Variants in MAPK4 observed in about 807,000 individuals in gnomAD.
The protein encoded by MAPK4 is mitogen-activated protein kinase 4.
In MAPK4, 22 loss-of-function variants were observed where a neutral mutation model predicts 47.7. The observed-to-expected ratio is 0.46, with a 90% CI of 0.33 to 0.66. MAPK4 has a LOEUF of 0.66. Ranked by LOEUF, MAPK4 falls within the 30% of genes least tolerant of loss-of-function variation. MAPK4 has a pLI of 0.02. For missense variants in MAPK4, 736 were observed against 831.7 expected (o/e 0.88, Z 1.42); for synonymous variants, 390 against 365.7 (o/e 1.07, Z -0.76).
chr18:50,591,348 C>G (rs2042435095), intron 1 of MAPK4, among the ~76,000 whole-genome samples: 1 of 152,092 alleles, frequency 6.6e-6, no homozygotes, highest in South Asian at 2.1e-4. Flanking sequence ...GGGCCTCCCA[C>G]CTTTTCATTC....
At chr18:50,726,327 C>T (rs1306622130) in intron 5 of MAPK4, 152 bp downstream of exon 5, 2 of 727,210 alleles carry the variant, frequency 2.8e-6, no homozygotes, top group African/African-American at 3.5e-5. Context: ...TCTCTTGTGC[C>T]CAGACACTAC....
chr18:50,582,735 C>T (rs1287002703), intron 1 of MAPK4, among the ~76,000 whole-genome samples: 1 of 152,224 alleles, frequency 6.6e-6, no homozygotes, highest in African/African-American at 2.4e-5. Flanking sequence ...ATGCCCGCTA[C>T]AGTTCTGTGC....
intron 1 of MAPK4, among the ~76,000 whole-genome samples, chr18:50,617,340 A>G (rs1198161506): frequency 6.6e-6 from 1 of 152,232 alleles, no homozygotes; most frequent in Non-Finnish European, 1.5e-5. Context: ...GAGGAAAATT[A>G]TTTAATTTTA....
chr18:50,572,954 TA>T (rs1229948218), intron 1 of MAPK4, among the ~76,000 whole-genome samples: 2 of 152,194 alleles, frequency 1.3e-5, no homozygotes, highest in African/African-American at 4.8e-5. Context: ...TCCTCTCCAG[TA>T]ATGGATACCT....
chr18:50,729,592 A>T lies in MAPK4; in HGVS notation c.1502A>T (p.Gln501Leu), dbSNP rs1911423944. Reference protein sequence around the residue: ...LEIAQWVKSTQGGPEHASPPA... With the variant: ...LEIAQWVKSTLGGPEHASPPA... ...ATCGCGCAGTGGGTCAAGAGCACGCAGGGCGGCCCAGAGCACGCCAGCCCG... is the reference window on the plus strand; with the variant it reads ...ATCGCGCAGTGGGTCAAGAGCACGCTGGGCGGCCCAGAGCACGCCAGCCCG... The change falls in exon 6 of 6, where the codon CAG becomes CTG. Residue 501 changes from glutamine to leucine, a missense_variant. By Grantham distance (113) the Gln-to-Leu change is moderately radical (BLOSUM62 -2). This residue lies in a region of MAPK4 where 377 missense variants were observed against 378.6 expected (regional missense o/e 1.00). Transcript: ENST00000400384. 1.4e-6 allele frequency: 2 copies of T among 1,391,756 alleles called. No homozygotes were observed. Among genetic ancestry groups the T allele is most frequent in the African/African-American group, 1.5e-5 (1 of 65,430 alleles). 86.2% of individuals were successfully genotyped at this position (1,391,756 alleles called of 1,614,324 possible). A position where few individuals can be genotyped will look rare whatever the true frequency, so the allele number is the denominator to read the frequency against.
intron 3 of MAPK4, among the ~76,000 whole-genome samples, chr18:50,717,615 T>A (rs1034060435): frequency 2.6e-5 from 4 of 151,816 alleles, no homozygotes; most frequent in African/African-American, 9.7e-5. Context: ...CCTTCTAGTA[T>A]CCCCTAAGAG....
intron 1 of MAPK4, among the ~76,000 whole-genome samples, chr18:50,571,348 TC>T (rs1309891769): frequency 6.6e-6 from 1 of 152,192 alleles, no homozygotes; most frequent in Non-Finnish European, 1.5e-5. Context: ...CCCAGGTAAT[TC>T]TAGATTGTGA....
At chr18:50,720,112 C>T (rs1910857287) in intron 3 of MAPK4, among the ~76,000 whole-genome samples, 1 of 152,198 alleles carries the variant, frequency 6.6e-6, no homozygotes, top group Non-Finnish European at 1.5e-5. Context: ...CCATGCTTCA[C>T]ACCTTCTCCC....
At chr18:50,599,017 G>A (rs1003990514) in intron 1 of MAPK4, among the ~76,000 whole-genome samples, 29 of 152,272 alleles carry the variant, frequency 1.9e-4, no homozygotes, top group South Asian at 1.0e-3. Flanking sequence ...CCCCTCTGAA[G>A]TTATTATTTT....
chr18:50,562,690 G>A (rs958340551), intron 1 of MAPK4, among the ~76,000 whole-genome samples: 4 of 152,314 alleles, frequency 2.6e-5, no homozygotes, highest in East Asian at 1.9e-4. Flanking sequence ...CCAGATTGGC[G>A]AGAAAATCAT....
At chr18:50,559,800 CCCCGGGAAGGCCAGGCTA>C (rs1249954370), upstream of MAPK4, among the ~76,000 whole-genome samples, 1 of 151,922 alleles carries the variant, frequency 6.6e-6, no homozygotes, top group Non-Finnish European at 1.5e-5. Context: ...ACCGCGTGTG[CCCCGGGAAGGCCAGGCTA>C]CCCGGGACGG....
chr18:50,589,678 T>G (rs905724103), intron 1 of MAPK4, among the ~76,000 whole-genome samples: 1 of 152,154 alleles, frequency 6.6e-6, no homozygotes, highest in Non-Finnish European at 1.5e-5. Flanking sequence ...CGTTTAAATC[T>G]AAATAATCTG....
chr18:50,727,530 T>C (rs894763), intron 5 of MAPK4, among the ~76,000 whole-genome samples: 30,791 of 152,164 alleles, frequency 0.2, 3,325 homozygotes, highest in East Asian at 0.28. Flanking sequence ...CTGCCACCCC[T>C]GGGGCAGCCC....
At chr18:50,630,304 T>C (rs2042817416) in intron 1 of MAPK4, among the ~76,000 whole-genome samples, 1 of 152,236 alleles carries the variant, frequency 6.6e-6, no homozygotes, top group African/African-American at 2.4e-5. Flanking sequence ...TTCTCATGCC[T>C]CAGCTTCCTG....
intron 2 of MAPK4, among the ~76,000 whole-genome samples, chr18:50,680,730 T>TTA (rs1329049134): frequency 2.6e-5 from 4 of 152,344 alleles, no homozygotes; most frequent in African/African-American, 9.6e-5. Flanking sequence ...TTTTCAAGGT[T>TTA]TATCCATGTG....
chr18:50,646,852 G>A (rs1167805051), intron 1 of MAPK4, among the ~76,000 whole-genome samples: 1 of 152,130 alleles, frequency 6.6e-6, no homozygotes, highest in African/African-American at 2.4e-5. Flanking sequence ...CCCACCTCCT[G>A]GATAGCCTCT....
rs142803758 is a variant in MAPK4 at position 50,714,266 on chromosome 18, T to A, written c.547-813T>A. Reference sequence around the variant, plus strand: ...AATTCAAATGGACATTTCCCAGATGTCACTCTTGGCCCAGTTTTCTGAATT... The same window carrying A: ...AATTCAAATGGACATTTCCCAGATGACACTCTTGGCCCAGTTTTCTGAATT... On this transcript the variant is annotated intron_variant, in intron 2 of 5. Coordinates refer to ENST00000400384, the MANE Select transcript of MAPK4 (RefSeq NM_002747.4). Among the ~76,000 whole-genome samples the A allele has an allele frequency of 2.0e-5, 3 of 152,328 alleles. No homozygotes were observed. The East Asian group carries it at 5.8e-4, about 29-fold the overall frequency.
At chr18:50,647,504 G>T (rs1277209590) in intron 1 of MAPK4, among the ~76,000 whole-genome samples, 1 of 152,156 alleles carries the variant, frequency 6.6e-6, no homozygotes, top group Non-Finnish European at 1.5e-5. Context: ...TGCTGTCCAG[G>T]TTTTCTTCTA....
In MAPK4 at chr18:50,727,637, C is replaced by T. The variant is rs186483372; in HGVS notation, c.1067+1462C>T. On this transcript the variant is annotated intron_variant, in intron 5 of 5. Coordinates refer to ENST00000400384, the MANE Select transcript of MAPK4 (RefSeq NM_002747.4). ...AGGGAGAGTCATCCTATACTTTCTG[C>T]GACTGTGGCATAGGGTTGTGCCAGG... 4.5e-4 allele frequency among the ~76,000 whole-genome samples: 69 copies of T among 152,212 alleles called. 2 individuals carry two copies. In the East Asian group the frequency reaches 0.011, roughly 24 times the overall value.
Sources: allele counts gnomAD v4.1 joint callset (sites outside exome capture counted in the v4.1 genomes callset), GRCh38; gene constraint gnomAD v4.1.1; regional missense constraint gnomAD v4.1.1; transcripts MANE v1.5; gene names NCBI Gene and HGNC (gene_info 2026-07-23, HGNC 2026-07-21).